The following NCKAP1 variants were observed in gnomAD, a reference collection of about 807,000 sequenced individuals.
NCKAP1 encodes NCK associated protein 1, also known as nck-associated protein 1.
NCKAP1 carries 21 observed loss-of-function variants against 151.2 expected under a neutral mutation model. The ratio of observed to expected loss-of-function variants is 0.14; its 90% CI spans 0.10 to 0.20. The LOEUF (loss-of-function observed/expected upper bound fraction) is 0.20. Among genes scored for constraint, NCKAP1 ranks in the 10% least tolerant of loss-of-function variants. The pLI, the probability that NCKAP1 is intolerant of heterozygous loss-of-function variation, is 1.00. For synonymous variants in NCKAP1, 484 were observed against 451.8 expected (o/e 1.07, Z -0.90); for missense variants, 933 against 1,352.1 (o/e 0.69, Z 4.86).
At chr2:182,995,887 C>T in intron 6 of NCKAP1, 49 bp from the exon 7 acceptor site, 2 of 1,481,552 alleles carry the variant, frequency 1.3e-6, no homozygotes, top group Non-Finnish European at 1.9e-6. Flanking sequence ...CTTTCCTTTT[C>T]TGTTTACATT....
chr2:182,965,278 A>AG (rs1182879617), intron 16 of NCKAP1, among the ~76,000 whole-genome samples: 1 of 18 alleles, frequency 0.056, no homozygotes, highest in African/African-American at 0.17. Context: ...AACCACTAAG[A>AG]AAAAAAAAAC....
chr2:182,959,123 A>G (rs1345989857), intron 18 of NCKAP1, among the ~76,000 whole-genome samples: 1 of 152,236 alleles, frequency 6.6e-6, no homozygotes, highest in African/African-American at 2.4e-5. Context: ...AAAGTTATTT[A>G]GTCATTATAC....
At chr2:182,982,318 C>T (rs1474744665) in intron 12 of NCKAP1, among the ~76,000 whole-genome samples, 2 of 152,160 alleles carry the variant, frequency 1.3e-5, no homozygotes, top group South Asian at 2.1e-4. Context: ...ACAAATATTC[C>T]AAGCTCTTCA....
At chr2:183,007,136 GT>G (rs1698492806) in intron 2 of NCKAP1, among the ~76,000 whole-genome samples, 1 of 152,180 alleles carries the variant, frequency 6.6e-6, no homozygotes, top group Non-Finnish European at 1.5e-5. Context: ...GCCTCCCAAA[GT>G]GCTGGGATTA....
chr2:182,993,523 G>C (rs1698208895), intron 8 of NCKAP1, among the ~76,000 whole-genome samples: 1 of 152,070 alleles, frequency 6.6e-6, no homozygotes, highest in Non-Finnish European at 1.5e-5. Context: ...AAACCTGTGT[G>C]TCTCCATGGA....
At chr2:182,938,027 G>A (rs549557961) in intron 24 of NCKAP1, among the ~76,000 whole-genome samples, 46 of 152,360 alleles carry the variant, frequency 3.0e-4, no homozygotes, top group African/African-American at 1.0e-3. Flanking sequence ...CCGAGGACTT[G>A]TTAAAACACA....
At chr2:182,975,916 T>C (rs546262406) in intron 15 of NCKAP1, among the ~76,000 whole-genome samples, 4 of 152,096 alleles carry the variant, frequency 2.6e-5, no homozygotes, top group South Asian at 4.1e-4. Flanking sequence ...AAAACATAAA[T>C]AAATAAGTAA....
intron 6 of NCKAP1, among the ~76,000 whole-genome samples, chr2:183,001,596 G>A (rs961023695): frequency 2.0e-5 from 3 of 152,010 alleles, no homozygotes; most frequent in Admixed American, 1.3e-4. Context: ...CTGAGGTATC[G>A]TGAGGTTAGT....
At chr2:182,995,951 T>G in intron 6 of NCKAP1, 113 bp from the exon 7 acceptor site, 1 of 904,762 alleles carries the variant, frequency 1.1e-6, no homozygotes, top group East Asian at 2.6e-5. Flanking sequence ...CAACACAGCC[T>G]AATTATACCC....
chr2:183,021,722 T>C (rs929887794), intron 2 of NCKAP1, among the ~76,000 whole-genome samples: 3 of 152,188 alleles, frequency 2.0e-5, no homozygotes, highest in Admixed American at 6.5e-5. Flanking sequence ...TTATTCCTGA[T>C]GAAATCTTCA....
Position 182,983,500 on chromosome 2 carries a change from C to T in NCKAP1, c.1005-118G>A, listed in dbSNP as rs535218403. 1.4e-5 allele frequency: 9 copies of T among 622,066 alleles called. No homozygotes were observed. In the East Asian group the frequency reaches 2.6e-4, roughly 18 times the overall value. The allele number at this position is 622,066 out of a possible 1,614,324, so 38.5% of individuals were successfully genotyped here. A position where few individuals can be genotyped will look rare whatever the true frequency, so the allele number is the denominator to read the frequency against. ...GTCTTTTTTTAGGAAGCCAAAGTTCCTATAAAAATCATCTTCTATGTGTCT... is the reference window on the plus strand; with the variant it reads ...GTCTTTTTTTAGGAAGCCAAAGTTCTTATAAAAATCATCTTCTATGTGTCT... On this transcript the variant is annotated intron_variant, in intron 10 of 30. Transcript: ENST00000361354.
chr2:182,981,810 G>A (rs1023719529), intron 12 of NCKAP1, among the ~76,000 whole-genome samples: 1 of 149,590 alleles, frequency 6.7e-6, no homozygotes, highest in Non-Finnish European at 1.5e-5. Context: ...TTGGGAGGCT[G>A]AGACAGGAGA....
intron 2 of NCKAP1, among the ~76,000 whole-genome samples, chr2:183,006,648 C>CA (rs1282715589): frequency 6.6e-6 from 1 of 152,036 alleles, no homozygotes; most frequent in Non-Finnish European, 1.5e-5. Context: ...GCTTCAACTA[C>CA]AAAAAATGCT....
At chr2:183,026,964 G>C (rs191441203) in intron 1 of NCKAP1, among the ~76,000 whole-genome samples, 60 of 152,280 alleles carry the variant, frequency 3.9e-4, no homozygotes, top group Admixed American at 3.9e-3. Context: ...TAGCAAGTTA[G>C]TGTTAACTTC....
intron 1 of NCKAP1, among the ~76,000 whole-genome samples, chr2:183,024,369 A>C (rs532867903): frequency 6.6e-6 from 1 of 152,286 alleles, no homozygotes; most frequent in South Asian, 2.1e-4. Flanking sequence ...ATTTTAATAC[A>C]AGAGCCCTAG....
rs1341635304 is a variant in NCKAP1 at position 182,922,518 on chromosome 2, C to T, written c.*3184G>A. 1 of 152,280 alleles carries T rather than the reference C, an allele frequency of 6.6e-6. No homozygotes were observed. The highest frequency in any genetic ancestry group is 1.9e-4 in the East Asian group (1 of 5,202). 9.4% of individuals were successfully genotyped at this position (152,280 alleles called of 1,614,324 possible). On this transcript the variant is annotated 3_prime_UTR_variant, in exon 31 of 31. Transcript: ENST00000361354. ...GATGACACACTTCTAACTTCTCAAA[C>T]ATGCCAAGTTTGTGCTTGCCTTCTG...
chr2:182,972,246 C>A (rs200772935), intron 15 of NCKAP1, among the ~76,000 whole-genome samples: 4,545 of 70,318 alleles, frequency 0.065, 103 homozygotes, highest in Non-Finnish European at 0.092. Context: ...AAAAAAAAAA[C>A]AAAACTGATT....
chr2:182,958,341 G>A (rs745414491), intron 18 of NCKAP1, among the ~76,000 whole-genome samples: 17 of 151,888 alleles, frequency 1.1e-4, no homozygotes, highest in African/African-American at 1.5e-4. Context: ...ATGGGGTTTC[G>A]CCATGTTGGC....
At chr2:183,035,283 TAAAA>T (rs962780096) in intron 1 of NCKAP1, among the ~76,000 whole-genome samples, 7 of 144,164 alleles carry the variant, frequency 4.9e-5, no homozygotes, top group African/African-American at 1.3e-4. Flanking sequence ...CTGATGAAAT[TAAAA>T]AAAAAAAACA....
Sources: allele counts gnomAD v4.1 joint callset (sites outside exome capture counted in the v4.1 genomes callset), GRCh38; gene constraint gnomAD v4.1.1; transcripts MANE v1.5; gene names NCBI Gene and HGNC (gene_info 2026-07-23, HGNC 2026-07-21).